Variants in ZNF385D observed in about 807,000 individuals in gnomAD.
ZNF385D encodes zinc finger protein 385D.
A neutral mutation model predicts 35.8 loss-of-function variants in ZNF385D; 15 were observed. The ratio of observed to expected loss-of-function variants is 0.42; its 90% CI spans 0.28 to 0.64. The LOEUF is 0.64. Ranked by LOEUF, ZNF385D falls within the 30% of genes least tolerant of loss-of-function variation. The probability of loss-of-function intolerance (pLI) is 0.23; values close to 1 mark genes in which losing one functional copy is unlikely to be tolerated. For missense variants in ZNF385D, 474 were observed against 494.6 expected, an observed-to-expected ratio of 0.96 and a Z score of 0.39; for synonymous variants, 212 against 186.8, an observed-to-expected ratio of 1.13 and a Z score of -1.10.
rs114975932 is a variant in ZNF385D, at chr3:22,187,152, C to T, written c.107-18117G>A. Among the ~76,000 whole-genome samples the T allele has an allele frequency of 3.4e-3, 522 of 152,220 alleles. 3 individuals are homozygous for T. Among genetic ancestry groups the T allele is most frequent in the Middle Eastern group, 0.014 (4 of 294 alleles). On this transcript the variant is annotated intron_variant, in intron 2 of 5. Coordinates refer to the ZNF385D transcript ENST00000494108. ...ACATGAACAAATTCTTCAAAAATTT[C>T]GTGGCCATTCTTCACTAATATTTCT...
At chr3:21,944,081 A>G (rs919640646) in intron 3 of ZNF385D, among the ~76,000 whole-genome samples, 1 of 152,204 alleles carries the variant, frequency 6.6e-6, no homozygotes, top group Non-Finnish European at 1.5e-5. Flanking sequence ...TTTCAGCTGT[A>G]TTGTACTTAA....
chr3:21,860,099 T>C (rs555909982), intron 3 of ZNF385D, among the ~76,000 whole-genome samples: 1 of 152,230 alleles, frequency 6.6e-6, no homozygotes, highest in African/African-American at 2.4e-5. Context: ...AAAATTAGGA[T>C]GAATGTTGAA....
intron 2 of ZNF385D, among the ~76,000 whole-genome samples, chr3:22,252,205 C>G (rs76068203): frequency 6.6e-6 from 1 of 152,084 alleles, no homozygotes; most frequent in African/African-American, 2.4e-5. Flanking sequence ...AAGGTTTATA[C>G]AATTGCATGC....
intron 3 of ZNF385D, among the ~76,000 whole-genome samples, chr3:21,865,045 C>CTTTTTTTT (rs3073907): frequency 2.8e-4 from 6 of 21,198 alleles, no homozygotes; most frequent in Non-Finnish European, 3.0e-4. Context: ...ACAGGGAAGA[C>CTTTTTTTT]TTTTTTTTTT....
intron 2 of ZNF385D, among the ~76,000 whole-genome samples, chr3:21,602,520 T>TC (rs1161610208): frequency 6.4e-5 from 2 of 31,088 alleles, no homozygotes; most frequent in Non-Finnish European, 6.5e-5. Context: ...GCATTTTCTT[T>TC]TTTTTTTTTT....
intron 2 of ZNF385D, among the ~76,000 whole-genome samples, chr3:21,583,325 C>T (rs4616665): frequency 3.9e-5 from 6 of 152,042 alleles, no homozygotes; most frequent in East Asian, 1.9e-4. Flanking sequence ...CTACCTAATA[C>T]ATTTTGTATT....
At chr3:21,970,173 C>G (rs571982) in intron 3 of ZNF385D, among the ~76,000 whole-genome samples, 1 of 151,934 alleles carries the variant, frequency 6.6e-6, no homozygotes, top group South Asian at 2.1e-4. Context: ...ACCAATAACA[C>G]TGACAAGCAT....
chr3:21,611,965 T>A (rs1268773154), intron 2 of ZNF385D, among the ~76,000 whole-genome samples: 1 of 152,166 alleles, frequency 6.6e-6, no homozygotes, highest in Non-Finnish European at 1.5e-5. Context: ...TAAAAATGGA[T>A]GCAAAACTGA....
At chr3:21,796,861 G>C (rs1259567175) in intron 3 of ZNF385D, among the ~76,000 whole-genome samples, 1 of 152,176 alleles carries the variant, frequency 6.6e-6, no homozygotes, top group African/African-American at 2.4e-5. Context: ...CAAGGCACTG[G>C]TAACTTGTTG....
chr3:21,817,307 T>C (rs543526396), intron 3 of ZNF385D, among the ~76,000 whole-genome samples: 3 of 152,234 alleles, frequency 2.0e-5, no homozygotes, highest in Non-Finnish European at 4.4e-5. Flanking sequence ...CCAAAAGCAA[T>C]GGCAACAAAA....
intron 3 of ZNF385D, among the ~76,000 whole-genome samples, chr3:21,908,228 G>A (rs529608359): frequency 6.6e-6 from 1 of 151,700 alleles, no homozygotes; most frequent in Admixed American, 6.6e-5. Context: ...CAAGATCCAA[G>A]GAATGAGTAG....
At chr3:21,768,634 G>C (rs1398782511) in intron 3 of ZNF385D, among the ~76,000 whole-genome samples, 1 of 151,920 alleles carries the variant, frequency 6.6e-6, no homozygotes, top group Non-Finnish European at 1.5e-5. Flanking sequence ...ATAGGAACCA[G>C]GGTAGAAAAA....
chr3:21,975,238 A>G (rs1320730028), intron 3 of ZNF385D, among the ~76,000 whole-genome samples: 1 of 152,154 alleles, frequency 6.6e-6, no homozygotes, highest in Non-Finnish European at 1.5e-5. Context: ...CCATAAATAT[A>G]ATATCCTGTC....
intron 2 of ZNF385D, among the ~76,000 whole-genome samples, chr3:22,201,093 G>A (rs962587992): frequency 6.6e-6 from 1 of 152,132 alleles, no homozygotes; most frequent in Non-Finnish European, 1.5e-5. Flanking sequence ...GAAATCACAA[G>A]GGTATTGATT....
At position 21,417,370 on chromosome 3, in the gene ZNF385D, C is replaced by G. The variant is rs568551786; in HGVS notation, c.*3844G>C. 3.9e-5 allele frequency: 6 copies of G among 152,210 alleles called. No homozygotes were observed. The highest frequency in any genetic ancestry group is 1.4e-4 in the African/African-American group (6 of 41,546). The allele number at this position is 152,210 out of a possible 1,614,324, so 9.4% of individuals were successfully genotyped here. A position where few individuals can be genotyped will look rare whatever the true frequency, so the allele number is the denominator to read the frequency against. On this transcript the variant is annotated 3_prime_UTR_variant, in exon 8 of 8. Coordinates refer to ENST00000281523, the MANE Select transcript of ZNF385D (RefSeq NM_024697.3). ...AAGTCTACAATAGACTCTGGCTACT[C>G]TAAGGCTCCTCATTGCTTTTCCCAC... is the stretch of plus-strand genomic sequence containing the variant.
intron 1 of ZNF385D, among the ~76,000 whole-genome samples, chr3:21,681,723 G>T (rs1370220252): frequency 6.9e-6 from 1 of 145,642 alleles, no homozygotes; most frequent in Non-Finnish European, 1.5e-5. Flanking sequence ...AACAAAAAAG[G>T]AAATAAAACA....
intron 2 of ZNF385D, among the ~76,000 whole-genome samples, chr3:21,570,601 C>G (rs780627775): frequency 3.8e-4 from 58 of 152,104 alleles, no homozygotes; most frequent in Non-Finnish European, 3.4e-4. Context: ...GTAATAATGT[C>G]CAGTGACAAT....
chr3:21,842,141 G>A (rs115803602), intron 3 of ZNF385D, among the ~76,000 whole-genome samples: 4 of 151,868 alleles, frequency 2.6e-5, no homozygotes, highest in Non-Finnish European at 5.9e-5. Context: ...ACCAATGACA[G>A]ATAACTGGTT....
chr3:21,913,153 G>A (rs142839693), intron 3 of ZNF385D, among the ~76,000 whole-genome samples: 4 of 152,182 alleles, frequency 2.6e-5, no homozygotes, highest in African/African-American at 9.6e-5. Context: ...TAATTTGCTA[G>A]TTCTTCAACA....
Sources: allele counts gnomAD v4.1 joint callset (sites outside exome capture counted in the v4.1 genomes callset), GRCh38; gene constraint gnomAD v4.1.1; transcripts MANE v1.5; gene names NCBI Gene and HGNC (gene_info 2026-07-23, HGNC 2026-07-21).